Variants in DCDC1 observed in about 807,000 individuals in gnomAD.
DCDC1 encodes doublecortin domain containing 1.
In DCDC1, 200 loss-of-function variants were observed where a neutral mutation model predicts 178.3. That is an observed-to-expected ratio of 1.12 (90% confidence interval 1.00 to 1.26). The LOEUF is 1.26. DCDC1 is among the 50% of genes most tolerant of loss of function. The pLI is 0.00. For synonymous variants in DCDC1, 690 were observed against 604.8 expected, an observed-to-expected ratio of 1.14 and a Z score of -2.07; for missense variants, 1,983 against 1,749.2, an observed-to-expected ratio of 1.13 and a Z score of -2.38.
At chr11:30,877,024 C>T (rs1349180996) in intron 38 of DCDC1, among the ~76,000 whole-genome samples, 1 of 152,056 alleles carries the variant, frequency 6.6e-6, no homozygotes, top group African/African-American at 2.4e-5. Flanking sequence ...ACATCTCTAA[C>T]ATCACACAAC....
At chr11:30,997,360 G>A (rs1173482571) in intron 20 of DCDC1, among the ~76,000 whole-genome samples, 2 of 152,134 alleles carry the variant, frequency 1.3e-5, no homozygotes, top group African/African-American at 4.8e-5. Context: ...ACAAAATCAG[G>A]ATTTGGGGGA....
At chr11:31,056,764 A>T (rs1376823951) in intron 20 of DCDC1, among the ~76,000 whole-genome samples, 1 of 152,192 alleles carries the variant, frequency 6.6e-6, no homozygotes, top group Non-Finnish European at 1.5e-5. Flanking sequence ...TAACATAACA[A>T]GCAGACAAAG....
At chr11:30,883,752 A>G (rs1240297209) in intron 36 of DCDC1, among the ~76,000 whole-genome samples, 1 of 152,238 alleles carries the variant, frequency 6.6e-6, no homozygotes, top group East Asian at 1.9e-4. Context: ...GTTAAAAGAA[A>G]CAAATGATGT....
Position 31,127,488 on chromosome 11 carries a change from G to A in DCDC1, c.1466C>T (p.Pro489Leu), listed in dbSNP as rs1381221912. 1 of 702,450 alleles carries A rather than the reference G, an allele frequency of 1.4e-6. No homozygotes were observed. Among genetic ancestry groups the A allele is most frequent in the South Asian group, 1.5e-5 (1 of 67,576 alleles). The allele number at this position is 702,450 out of a possible 1,614,324, so 43.5% of individuals were successfully genotyped here. ...ACCCACCTTAAGCTGCAGGCCTCCTGGGACAAGCGTGTTTGCTGGAAGGCT... is the reference window on the plus strand; with the variant it reads ...ACCCACCTTAAGCTGCAGGCCTCCTAGGACAAGCGTGTTTGCTGGAAGGCT... ...IKSLPANTLV[P>L]GGLQLKVFEN... The change falls in exon 11 of 39, where the codon CCA (proline) becomes CTA (leucine). Residue 489 changes from proline to leucine, a missense_variant. Coordinates refer to ENST00000684477, the MANE Select transcript of DCDC1 (RefSeq NM_001387274.1).
intron 9 of DCDC1, among the ~76,000 whole-genome samples, chr11:31,235,373 G>T: frequency 6.6e-6 from 1 of 151,004 alleles, no homozygotes. Context: ...TAGAAAAATG[G>T]TCCATATTCT....
chr11:31,045,255 A>C (rs1370427939), intron 20 of DCDC1, among the ~76,000 whole-genome samples: 1 of 152,136 alleles, frequency 6.6e-6, no homozygotes, highest in Non-Finnish European at 1.5e-5. Context: ...AGACTCTCAA[A>C]TTTAGGAATT....
chr11:31,119,523 G>A (rs553479321), intron 11 of DCDC1, among the ~76,000 whole-genome samples: 4 of 152,172 alleles, frequency 2.6e-5, no homozygotes, highest in South Asian at 2.1e-4. Context: ...TGGAAATAAC[G>A]TAATATGCAC....
Position 30,900,477 on chromosome 11 carries a change from T to C in DCDC1, c.4532A>G (p.Lys1511Arg). 6.5e-7 allele frequency: 1 copy of C among 1,544,028 alleles called. No individual in the cohort carries two copies. The highest frequency in any genetic ancestry group is 8.8e-7 in the Non-Finnish European group (1 of 1,142,230). The change falls in exon 33 of 39, where the codon AAA (lysine) becomes AGA (arginine). Residue 1511 changes from lysine (K) to arginine (R), a missense_variant. By Grantham distance (26) the Lys-to-Arg change is conservative. Transcript: ENST00000684477. ...SMEENPRMKV[K>R]NRLFAKSVTS... ...CACAGATTTTGCAAATAATCTGTTT[T>C]TCACTTTCATTCTTGGATTTTCTGG...
At chr11:30,886,289 A>G (rs1365703993) in intron 36 of DCDC1, among the ~76,000 whole-genome samples, 1 of 152,168 alleles carries the variant, frequency 6.6e-6, no homozygotes, top group Non-Finnish European at 1.5e-5. Flanking sequence ...TGTTATTAAG[A>G]TAATAAAAAA....
At chr11:31,263,050 T>A in intron 8 of DCDC1, 3 of 1,613,020 alleles carry the variant, frequency 1.9e-6, no homozygotes, top group Middle Eastern at 1.7e-4. Flanking sequence ...CCATGAAGTA[T>A]CACGTCTCAG....
intron 20 of DCDC1, among the ~76,000 whole-genome samples, chr11:31,049,318 G>T (rs1018647098): frequency 2.0e-5 from 3 of 152,160 alleles, no homozygotes; most frequent in Non-Finnish European, 4.4e-5. Context: ...CACTAGTGAT[G>T]GCACGGAAAG....
At position 30,952,587 on chromosome 11, in the gene DCDC1, A is replaced by C; in HGVS notation, c.2592-19T>G. 9.1e-7 allele frequency: 1 copy of C among 1,097,894 alleles called. No individual in the cohort carries two copies. The highest frequency in any genetic ancestry group is 1.3e-6 in the Non-Finnish European group (1 of 757,232). 68.0% of individuals were successfully genotyped at this position (1,097,894 alleles called of 1,614,324 possible). ...GGCCCACCTAAAACAAAAGATAAAA[A>C]ACAAAAAGAAATTTAGCAAGGTTAA... On this transcript the variant is annotated intron_variant, in intron 20 of 38. Coordinates refer to ENST00000684477, the MANE Select transcript of DCDC1 (RefSeq NM_001387274.1).
intron 1 of DCDC1, among the ~76,000 whole-genome samples, chr11:31,352,370 T>G (rs900731627): frequency 1.1e-4 from 16 of 152,180 alleles, no homozygotes; most frequent in African/African-American, 3.9e-4. Context: ...ACAAGAATAA[T>G]TAGCATTATG....
At chr11:30,872,590 G>T (rs1941685058) in intron 38 of DCDC1, among the ~76,000 whole-genome samples, 1 of 152,018 alleles carries the variant, frequency 6.6e-6, no homozygotes, top group Non-Finnish European at 1.5e-5. Context: ...CCTTCCTTTG[G>T]TAGCTTGAGC....
At chr11:31,134,598 A>G (rs1431842550) in intron 10 of DCDC1, among the ~76,000 whole-genome samples, 1 of 152,228 alleles carries the variant, frequency 6.6e-6, no homozygotes, top group Non-Finnish European at 1.5e-5. Context: ...ATTTCTTCTA[A>G]TAACATTCTA....
intron 9 of DCDC1, among the ~76,000 whole-genome samples, chr11:31,213,100 C>CCTCTCTCTCTCTCTCTCTCT: frequency 4.5e-5 from 2 of 44,274 alleles, no homozygotes; most frequent in South Asian, 1.1e-3. Context: ...TAAAGCCCAG[C>CCTCTCTCTCTCTCTCTCTCT]CTCTCTCTCT....
chr11:31,061,966 A>G (rs766737627), intron 20 of DCDC1, among the ~76,000 whole-genome samples: 2 of 152,100 alleles, frequency 1.3e-5, no homozygotes, highest in Non-Finnish European at 2.9e-5. Context: ...GCATTGCCTC[A>G]GGGAAGAAGC....
chr11:31,004,234 T>C (rs1397439144), intron 20 of DCDC1, among the ~76,000 whole-genome samples: 1 of 152,228 alleles, frequency 6.6e-6, no homozygotes, highest in Non-Finnish European at 1.5e-5. Context: ...AAAAGTATTT[T>C]ATTGTCAAAT....
chr11:31,204,050 G>A (rs1164549186), intron 9 of DCDC1, among the ~76,000 whole-genome samples: 3 of 152,064 alleles, frequency 2.0e-5, no homozygotes, highest in Admixed American at 6.5e-5. Flanking sequence ...TCAATTTTTA[G>A]TGTTTGCCAA....
Sources: allele counts gnomAD v4.1 joint callset (sites outside exome capture counted in the v4.1 genomes callset), GRCh38; gene constraint gnomAD v4.1.1; transcripts MANE v1.5; gene names NCBI Gene and HGNC (gene_info 2026-07-23, HGNC 2026-07-21).